Variants in DTNA observed in about 807,000 individuals in gnomAD.
The protein encoded by DTNA is dystrophin-related protein 3.
Under a neutral mutation model 100.7 loss-of-function variants are expected in DTNA, and 43 were observed. The ratio of observed to expected loss-of-function variants is 0.43; its 90% CI spans 0.33 to 0.55. The LOEUF is 0.55. Among genes scored for constraint, DTNA ranks in the 20% least tolerant of loss-of-function variants. The pLI is 0.04. For synonymous variants in DTNA, 349 were observed against 347.9 expected, an observed-to-expected ratio of 1.00 and a Z score of -0.04; for missense variants, 798 against 953.9, an observed-to-expected ratio of 0.84 and a Z score of 2.15.
chr18:34,855,260 T>C (rs1223380410), intron 15 of DTNA, among the ~76,000 whole-genome samples: 5 of 152,208 alleles, frequency 3.3e-5, no homozygotes, highest in African/African-American at 9.6e-5. Context: ...TATCCTGTTA[T>C]GATGGACAGC....
intron 1 of DTNA, among the ~76,000 whole-genome samples, chr18:34,749,970 A>G (rs1471346655): frequency 6.6e-6 from 1 of 152,234 alleles, no homozygotes; most frequent in East Asian, 1.9e-4. Flanking sequence ...TATGCCACCA[A>G]TAAATCAATT....
intron 16 of DTNA, among the ~76,000 whole-genome samples, chr18:34,862,124 CAAAAAAAA>C (rs1002538086): frequency 4.1e-4 from 23 of 56,266 alleles, no homozygotes; most frequent in Non-Finnish European, 5.8e-4. Context: ...CAGACAAGGT[CAAAAAAAA>C]AAAAAAAAAA....
At chr18:34,811,305 G>GAT (rs1478529621) in intron 5 of DTNA, among the ~76,000 whole-genome samples, 2 of 152,146 alleles carry the variant, frequency 1.3e-5, no homozygotes, top group Non-Finnish European at 2.9e-5. Flanking sequence ...TTACCTCATT[G>GAT]ATCATCCACA....
At chr18:34,703,624 G>C (rs902867272) in intron 1 of DTNA, among the ~76,000 whole-genome samples, 1 of 152,156 alleles carries the variant, frequency 6.6e-6, no homozygotes, top group Non-Finnish European at 1.5e-5. Flanking sequence ...ATTGACTCCA[G>C]GGATCTCTGA....
At chr18:34,742,629 T>TTCTATTATCTATCTAGATAGATAA in intron 1 of DTNA, among the ~76,000 whole-genome samples, 1 of 137,690 alleles carries the variant, frequency 7.3e-6, no homozygotes, top group Non-Finnish European at 1.6e-5. Context: ...TCTGATTATC[T>TTCTATTATCTATCTAGATAGATAA]TCTATTATCT....
intron 1 of DTNA, among the ~76,000 whole-genome samples, chr18:34,499,961 T>G (rs1235400568): frequency 6.6e-6 from 1 of 152,206 alleles, no homozygotes; most frequent in Non-Finnish European, 1.5e-5. Context: ...GTTTTACATG[T>G]AAATAACTAT....
intron 11 of DTNA, among the ~76,000 whole-genome samples, chr18:34,830,422 G>A (rs1185689041): frequency 1.3e-5 from 2 of 151,984 alleles, no homozygotes; most frequent in Non-Finnish European, 2.9e-5. Context: ...ATTCACCTAG[G>A]GCCCTTCACA....
chr18:34,807,399 G>C (rs76368594), intron 5 of DTNA, among the ~76,000 whole-genome samples: 145 of 152,234 alleles, frequency 9.5e-4, no homozygotes, highest in African/African-American at 3.2e-3. Context: ...TTGGGATTTT[G>C]TAAGATACCC....
intron 11 of DTNA, among the ~76,000 whole-genome samples, chr18:34,830,559 C>CA (rs2095982610): frequency 2.0e-5 from 3 of 152,134 alleles, no homozygotes; most frequent in African/African-American, 7.2e-5. Context: ...TGTCGCATTC[C>CA]CTGTTCTTAC....
chr18:34,673,077 AT>A (rs2076966878), intron 1 of DTNA, among the ~76,000 whole-genome samples: 1 of 151,898 alleles, frequency 6.6e-6, no homozygotes, highest in East Asian at 1.9e-4. Context: ...TAAGCCAATT[AT>A]TTTTACATTT....
intron 1 of DTNA, among the ~76,000 whole-genome samples, chr18:34,683,036 C>CTA (rs2078349935): frequency 6.6e-6 from 1 of 152,102 alleles, no homozygotes; most frequent in African/African-American, 2.4e-5. Flanking sequence ...ACAAACTTTA[C>CTA]TATGTACAGT....
At chr18:34,792,074 C>T (rs1168123046) in intron 3 of DTNA, among the ~76,000 whole-genome samples, 2 of 136,110 alleles carry the variant, frequency 1.5e-5, no homozygotes, top group South Asian at 2.6e-4. Flanking sequence ...GACACAGTAA[C>T]GGTTCTATGT....
intron 1 of DTNA, among the ~76,000 whole-genome samples, chr18:34,608,147 T>C (rs1280995215): frequency 6.6e-6 from 1 of 152,206 alleles, no homozygotes; most frequent in African/African-American, 2.4e-5. Flanking sequence ...AACTGTGCCA[T>C]GTCCTCCTCA....
intron 1 of DTNA, among the ~76,000 whole-genome samples, chr18:34,737,503 G>A (rs1170507814): frequency 2.0e-5 from 3 of 152,126 alleles, no homozygotes; most frequent in African/African-American, 7.2e-5. Flanking sequence ...TGAATCATCT[G>A]TATAGTGTCC....
chr18:34,597,728 G>A (rs900151080), intron 1 of DTNA, among the ~76,000 whole-genome samples: 6 of 152,060 alleles, frequency 3.9e-5, no homozygotes, highest in Non-Finnish European at 8.8e-5. Context: ...ACAATATGCC[G>A]TATACTATTT....
At chr18:34,845,779 C>T (rs1361789272) in intron 13 of DTNA, among the ~76,000 whole-genome samples, 3 of 152,176 alleles carry the variant, frequency 2.0e-5, no homozygotes, top group African/African-American at 4.8e-5. Flanking sequence ...TAAAGACAGA[C>T]ATCTGCTTTA....
chr18:34,722,161 C>A (rs2146986626), intron 1 of DTNA, among the ~76,000 whole-genome samples: 1 of 152,130 alleles, frequency 6.6e-6, no homozygotes, highest in East Asian at 1.9e-4. Context: ...ATGCTAAGAT[C>A]TGAGATTCTT....
At chr18:34,614,552 A>C (rs1179028079) in intron 1 of DTNA, among the ~76,000 whole-genome samples, 1 of 152,238 alleles carries the variant, frequency 6.6e-6, no homozygotes, top group Non-Finnish European at 1.5e-5. Flanking sequence ...TATCATTAAC[A>C]GGAGTTTAGA....
chr18:34,722,131 A>T (rs2085477772), intron 1 of DTNA, among the ~76,000 whole-genome samples: 1 of 152,186 alleles, frequency 6.6e-6, no homozygotes. Flanking sequence ...TTTGGGTTTA[A>T]ATATTATCTT....
Sources: gnomAD v4.1 joint callset for allele counts (sites outside exome capture counted in the v4.1 genomes callset) on GRCh38, gnomAD v4.1.1 for gene constraint, MANE v1.5 for transcripts, NCBI Gene and HGNC (gene_info 2026-07-23, HGNC 2026-07-21) for gene names.